The following WWP2 variants were observed in gnomAD, a reference collection of about 807,000 sequenced individuals.
The protein encoded by WWP2 is WW domain containing E3 ubiquitin protein ligase 2, also known as NEDD4-like E3 ubiquitin-protein ligase WWP2.
WWP2 carries 57 observed loss-of-function variants against 121.0 expected under a neutral mutation model. That is an observed-to-expected ratio of 0.47 (90% CI 0.38 to 0.59). The LOEUF is 0.59. WWP2 is among the 20% of genes least tolerant of loss of function. WWP2 has a pLI of 0.00. For missense variants in WWP2, 962 were observed against 1,158.9 expected (o/e 0.83, Z 2.47); for synonymous variants, 449 against 441.3 (o/e 1.02, Z -0.22).
intron 15 of WWP2, 93 bp downstream of exon 15, chr16:69,931,673 G>C: frequency 1.3e-6 from 2 of 1,587,080 alleles, no homozygotes; most frequent in Non-Finnish European, 8.7e-7. Flanking sequence ...CCACACTGCA[G>C]ACTTTCCAGG....
At chr16:69,779,095 G>A (rs1195081746) in intron 1 of WWP2, among the ~76,000 whole-genome samples, 3 of 151,716 alleles carry the variant, frequency 2.0e-5, no homozygotes, top group Non-Finnish European at 4.4e-5. Flanking sequence ...GATTACAGGT[G>A]CCCGCCACCA....
Position 69,934,141 on chromosome 16 carries a change from C to T in WWP2, c.1842+12C>T. On this transcript the variant is annotated intron_variant, in intron 17 of 23. Transcript: ENST00000359154. ...GATTCATCGCCATGGTAAGGGGGCC[C>T]CAGGGGTCTGCCTAGTTCCCTCCTC... The T allele has an allele frequency of 6.2e-7, 1 of 1,614,076 alleles. No individual in the cohort carries two copies. Among genetic ancestry groups the T allele is most frequent in the South Asian group, 1.1e-5 (1 of 91,080 alleles).
chr16:69,813,041 G>A (rs964479743), intron 4 of WWP2, among the ~76,000 whole-genome samples: 1 of 151,934 alleles, frequency 6.6e-6, no homozygotes, highest in South Asian at 2.1e-4. Flanking sequence ...TTATTAATTG[G>A]CATAGTACTG....
Position 69,935,001 on chromosome 16 carries a change from T to A in WWP2, c.1843-852T>A, listed in dbSNP as rs866433395. On this transcript the variant is annotated intron_variant, in intron 17 of 23. Coordinates refer to ENST00000359154, the MANE Select transcript of WWP2 (RefSeq NM_001270454.2). This position sits in a 1 kb window ranked among gnomAD's most constrained non-coding sequence, Gnocchi z 5.2. ...AGTTCTGGGGAGGGGCGTCCCAGCG[T>A]CTGTATTTAACTGGAAAGAGGGACA... Among the ~76,000 whole-genome samples the A allele has an allele frequency of 1.3e-4, 20 of 151,948 alleles. No homozygotes were observed. The highest frequency in any genetic ancestry group is 2.6e-4 in the Admixed American group (4 of 15,272).
chr16:69,847,784 T>G (rs765884695), intron 6 of WWP2, among the ~76,000 whole-genome samples: 1 of 152,124 alleles, frequency 6.6e-6, no homozygotes, highest in Non-Finnish European at 1.5e-5. Flanking sequence ...GACATTAATT[T>G]ATTCATGAGG....
intron 8 of WWP2, among the ~76,000 whole-genome samples, chr16:69,902,427 T>C (rs1162829117): frequency 1.3e-5 from 2 of 152,166 alleles, no homozygotes; most frequent in Non-Finnish European, 2.9e-5. Context: ...GGAGACTGCT[T>C]TTAAAGTACT....
At chr16:69,877,376 G>A (rs763368253) in intron 7 of WWP2, among the ~76,000 whole-genome samples, 20 of 152,188 alleles carry the variant, frequency 1.3e-4, no homozygotes, top group South Asian at 2.1e-4. Context: ...AATTGAAGAG[G>A]GTTCGGGTCT....
chr16:69,867,830 C>A (rs1038741356), intron 6 of WWP2, among the ~76,000 whole-genome samples: 3 of 152,202 alleles, frequency 2.0e-5, no homozygotes, highest in Admixed American at 2.0e-4. Context: ...CTGTATAACT[C>A]GTCCCCTCCC....
intron 6 of WWP2, among the ~76,000 whole-genome samples, chr16:69,865,338 C>G (rs2057501247): frequency 6.6e-6 from 1 of 152,220 alleles, no homozygotes; most frequent in African/African-American, 2.4e-5. Flanking sequence ...GCATGAGCCA[C>G]CACACCCAGC....
chr16:69,867,897 G>A (rs2057557952), intron 6 of WWP2, among the ~76,000 whole-genome samples: 1 of 152,172 alleles, frequency 6.6e-6, no homozygotes, highest in South Asian at 2.1e-4. Flanking sequence ...GCCGAGCCTG[G>A]CTGTCTCAGC....
intron 18 of WWP2, 85 bp downstream of exon 18, chr16:69,936,071 T>A: frequency 1.3e-6 from 2 of 1,559,458 alleles, no homozygotes; most frequent in Non-Finnish European, 1.7e-6. Flanking sequence ...CTTTATTTTG[T>A]CTGCCAGTGT....
Position 69,937,241 on chromosome 16 carries a change from G to T in WWP2, c.2238+3G>T. 1 of 1,613,406 alleles carries T rather than the reference G, an allele frequency of 6.2e-7. No individual in the cohort carries two copies. Among genetic ancestry groups the T allele is most frequent in the South Asian group, 1.1e-5 (1 of 90,936 alleles). Reference sequence around the variant, plus strand: ...ACTTTGACGAGAAAGAGCTGGAGGTGAGTGTCTGAGGTTGCTGGGACCCTG... The same window carrying T: ...ACTTTGACGAGAAAGAGCTGGAGGTTAGTGTCTGAGGTTGCTGGGACCCTG... On this transcript the variant is annotated splice_donor_region_variant and intron_variant, in intron 20 of 23. Transcript: ENST00000359154. This position sits in a 1 kb window ranked among gnomAD's most constrained non-coding sequence, Gnocchi z 6.6.
intron 6 of WWP2, among the ~76,000 whole-genome samples, chr16:69,859,125 T>C (rs2057370612): frequency 6.6e-6 from 1 of 152,242 alleles, no homozygotes; most frequent in South Asian, 2.1e-4. Flanking sequence ...CACCATTTAT[T>C]AGCTCACAGT....
At chr16:69,904,035 G>A (rs1261066714) in intron 8 of WWP2, among the ~76,000 whole-genome samples, 3 of 152,250 alleles carry the variant, frequency 2.0e-5, no homozygotes, top group Non-Finnish European at 4.4e-5. Flanking sequence ...ATTAGGAGCA[G>A]ATGTTATAAA....
intron 6 of WWP2, among the ~76,000 whole-genome samples, chr16:69,857,471 G>C (rs1285922296): frequency 6.6e-6 from 1 of 152,060 alleles, no homozygotes; most frequent in African/African-American, 2.4e-5. Flanking sequence ...TTGGCTCCCT[G>C]ACTATTTGAT....
chr16:69,864,694 C>T (rs2057487015), intron 6 of WWP2, among the ~76,000 whole-genome samples: 1 of 150,332 alleles, frequency 6.7e-6, no homozygotes, highest in South Asian at 2.1e-4. Flanking sequence ...AGATTACAGG[C>T]GCCAGCCACT....
rs538333564 is a variant in WWP2, at chr16:69,900,107, T to C, written c.915-8654T>C. 2.6e-5 allele frequency among the ~76,000 whole-genome samples: 4 copies of C among 152,326 alleles called. No homozygotes were observed. The South Asian group carries it at 6.2e-4, about 24-fold the overall frequency. ...TAATATGACGTAACAGATGCACTTA[T>C]AGCTAAATTTTTGACACCTAATTAT... On this transcript the variant is annotated intron_variant, in intron 8 of 23. Transcript: ENST00000359154.
intron 16 of WWP2, among the ~76,000 whole-genome samples, chr16:69,932,345 C>A (rs1248330474): frequency 6.6e-6 from 1 of 152,150 alleles, no homozygotes. Context: ...ACAAAACAAA[C>A]AAAAAAACAA....
chr16:69,881,951 C>A (rs1172500693), intron 7 of WWP2, among the ~76,000 whole-genome samples: 1 of 152,206 alleles, frequency 6.6e-6, no homozygotes, highest in African/African-American at 2.4e-5. Flanking sequence ...CCTTGGCCTC[C>A]CAAAGTGCTG....
Sources: allele counts gnomAD v4.1 joint callset (sites outside exome capture counted in the v4.1 genomes callset), GRCh38; gene constraint gnomAD v4.1.1; non-coding constraint Gnocchi (gnomAD v3.1); transcripts MANE v1.5; gene names NCBI Gene and HGNC (gene_info 2026-07-23, HGNC 2026-07-21).